MIPOL1: variants seen among roughly 807,000 people sequenced by gnomAD.
The protein encoded by MIPOL1 is mirror-image polydactyly 1.
In MIPOL1, 57 loss-of-function variants were observed where a neutral mutation model predicts 60.9. The observed-to-expected ratio is 0.94, with a 90% CI of 0.76 to 1.17. MIPOL1 has a LOEUF of 1.17. Ranked by LOEUF, MIPOL1 falls within the 50% of genes most tolerant of loss-of-function variation. The probability of loss-of-function intolerance (pLI) is 0.00; values close to 1 mark genes in which losing one functional copy is unlikely to be tolerated. For missense variants in MIPOL1, 551 were observed against 511.6 expected (o/e 1.08, Z -0.74); for synonymous variants, 179 against 168.8 (o/e 1.06, Z -0.47).
intron 11 of MIPOL1, among the ~76,000 whole-genome samples, chr14:37,476,893 GTC>G (rs2094783121): frequency 7.6e-6 from 1 of 131,772 alleles, no homozygotes; most frequent in African/African-American, 2.9e-5. Context: ...TTCTTGTAAT[GTC>G]TTTTTTTTTT....
chr14:37,438,050 A>G (rs2094190166), intron 11 of MIPOL1, among the ~76,000 whole-genome samples: 1 of 152,112 alleles, frequency 6.6e-6, no homozygotes, highest in African/African-American at 2.4e-5. Flanking sequence ...GAGGCATTTA[A>G]AAAAATATTT....
intron 9 of MIPOL1, among the ~76,000 whole-genome samples, chr14:37,309,343 TACC>T (rs1256105471): frequency 6.6e-6 from 1 of 152,012 alleles, no homozygotes; most frequent in East Asian, 1.9e-4. Context: ...CATCAGACTG[TACC>T]ACCCAGTGCA....
chr14:37,303,228 A>T (rs1042386178), intron 7 of MIPOL1, among the ~76,000 whole-genome samples: 2 of 151,934 alleles, frequency 1.3e-5, no homozygotes, highest in Non-Finnish European at 2.9e-5. Flanking sequence ...GGGCTAGACT[A>T]CTTGGCCAAA....
chr14:37,285,280 T>A, intron 6 of MIPOL1, 38 bp from the exon 7 acceptor site: 1 of 1,611,608 alleles, frequency 6.2e-7, no homozygotes, highest in Non-Finnish European at 8.5e-7. Flanking sequence ...TGTCCTTTAT[T>A]TTGTATGATT....
rs2095556092 is a variant in MIPOL1, at chr14:37,549,395, T to C, written c.*2424T>C. 6.6e-6 allele frequency: 1 copy of C among 151,562 alleles called. No homozygotes were observed. Among genetic ancestry groups the C allele is most frequent in the South Asian group, 2.1e-4 (1 of 4,826 alleles). 9.4% of individuals were successfully genotyped at this position (151,562 alleles called of 1,614,324 possible). Reference sequence around the variant, plus strand: ...TATCGACAATCATAATAATAATAAATTATATATATAACCCATATAATAACG... The same window carrying C: ...TATCGACAATCATAATAATAATAAACTATATATATAACCCATATAATAACG... On this transcript the variant is annotated 3_prime_UTR_variant, in exon 13 of 13. Coordinates refer to ENST00000684589, the MANE Select transcript of MIPOL1 (RefSeq NM_001388067.1).
chr14:37,552,356 C>T (rs552467712), downstream of MIPOL1: 1 of 151,950 alleles, frequency 6.6e-6, no homozygotes, highest in Non-Finnish European at 1.5e-5. Flanking sequence ...GTGATATTTA[C>T]TGTGATATTT....
intron 12 of MIPOL1, among the ~76,000 whole-genome samples, chr14:37,519,300 A>T (rs1237679024): frequency 6.6e-6 from 1 of 152,144 alleles, no homozygotes; most frequent in Admixed American, 6.6e-5. Context: ...ATTTATTATT[A>T]AAATTTACTT....
At chr14:37,506,698 A>G (rs1345931742) in intron 12 of MIPOL1, 3 of 152,356 alleles carry the variant, frequency 2.0e-5, no homozygotes, top group Admixed American at 6.5e-5. Context: ...CAAAGACTTC[A>G]TGACTAAAAC....
chr14:37,441,259 ATGT>A (rs905670930), intron 11 of MIPOL1, among the ~76,000 whole-genome samples: 12 of 152,048 alleles, frequency 7.9e-5, no homozygotes, highest in Non-Finnish European at 1.5e-4. Flanking sequence ...CCATTTGTCT[ATGT>A]TGTTGTTGTT....
intron 9 of MIPOL1, among the ~76,000 whole-genome samples, chr14:37,339,212 T>C (rs2153460945): frequency 6.6e-6 from 1 of 152,290 alleles, no homozygotes; most frequent in Non-Finnish European, 1.5e-5. Context: ...CCTGAAAAGA[T>C]TCATTATCAA....
intron 6 of MIPOL1, chr14:37,276,613 T>C (rs2153399252): frequency 6.6e-6 from 1 of 151,282 alleles, no homozygotes; most frequent in South Asian, 2.1e-4. Context: ...GAGTTAATTT[T>C]CTTTACCAGA....
At chr14:37,324,044 G>A (rs1168600692) in intron 9 of MIPOL1, among the ~76,000 whole-genome samples, 1 of 151,926 alleles carries the variant, frequency 6.6e-6, no homozygotes, top group African/African-American at 2.4e-5. Flanking sequence ...AGGTCTTTTT[G>A]TGGACATACA....
intron 9 of MIPOL1, among the ~76,000 whole-genome samples, chr14:37,317,328 T>G (rs547187743): frequency 2.6e-4 from 39 of 152,290 alleles, no homozygotes; most frequent in African/African-American, 8.9e-4. Context: ...TAGAGAAATG[T>G]AGGATTGCCA....
chr14:37,512,033 AT>A (rs1370689830), intron 12 of MIPOL1, among the ~76,000 whole-genome samples: 1 of 152,194 alleles, frequency 6.6e-6, no homozygotes, highest in East Asian at 1.9e-4. Context: ...AGTTCTGCTC[AT>A]CTTAAATTTT....
chr14:37,279,781 T>G (rs1220007525), intron 6 of MIPOL1, among the ~76,000 whole-genome samples: 1 of 152,156 alleles, frequency 6.6e-6, no homozygotes, highest in Non-Finnish European at 1.5e-5. Flanking sequence ...AAATACTTAC[T>G]GTTTCTTGGT....
intron 11 of MIPOL1, among the ~76,000 whole-genome samples, chr14:37,432,462 A>G (rs1004320803): frequency 6.6e-6 from 1 of 152,238 alleles, no homozygotes; most frequent in African/African-American, 2.4e-5. Flanking sequence ...TGCATATAAT[A>G]AGAACTCATT....
intron 11 of MIPOL1, among the ~76,000 whole-genome samples, chr14:37,491,642 T>G (rs1356199002): frequency 2.0e-5 from 3 of 152,234 alleles, no homozygotes; most frequent in Non-Finnish European, 4.4e-5. Context: ...CCAATTTATA[T>G]TGTGAAATGT....
At chr14:37,308,213 A>G in intron 8 of MIPOL1, 124 bp downstream of exon 8, 1 of 1,189,982 alleles carries the variant, frequency 8.4e-7, no homozygotes, top group Non-Finnish European at 1.2e-6. Context: ...AATAATGTAC[A>G]TCTTTGCTGC....
At chr14:37,212,945 T>C (rs1335106222) in intron 1 of MIPOL1, among the ~76,000 whole-genome samples, 1 of 152,172 alleles carries the variant, frequency 6.6e-6, no homozygotes, top group Non-Finnish European at 1.5e-5. Context: ...TTTCAGAGAA[T>C]TCTTCCAGAT....
Sources: gnomAD v4.1 joint callset for allele counts (sites outside exome capture counted in the v4.1 genomes callset) on GRCh38, gnomAD v4.1.1 for gene constraint, MANE v1.5 for transcripts, NCBI Gene and HGNC (gene_info 2026-07-23, HGNC 2026-07-21) for gene names.